LCA5: variants seen among roughly 807,000 people sequenced by gnomAD.
The protein encoded by LCA5 is lebercilin.
A neutral mutation model predicts 53.0 loss-of-function variants in LCA5; 37 were observed. The observed-to-expected ratio is 0.70, with a 90% CI of 0.54 to 0.92. The LOEUF is 0.92. Ranked by LOEUF, LCA5 falls within the 40% of genes least tolerant of loss-of-function variation. The pLI is 0.00. For synonymous variants in LCA5, 303 were observed against 282.9 expected, an observed-to-expected ratio of 1.07 and a Z score of -0.71; for missense variants, 806 against 790.5, an observed-to-expected ratio of 1.02 and a Z score of -0.23.
chr6:79,529,969 G>C (rs979849271), intron 1 of LCA5, among the ~76,000 whole-genome samples: 2 of 125,776 alleles, frequency 1.6e-5, no homozygotes. Flanking sequence ...GGTGGGGGGA[G>C]GGGGGAGGGA....
At chr6:79,494,607 A>T (rs1416897949) in intron 3 of LCA5, among the ~76,000 whole-genome samples, 1 of 152,180 alleles carries the variant, frequency 6.6e-6, no homozygotes, top group Non-Finnish European at 1.5e-5. Flanking sequence ...TGTGATAATC[A>T]CTGCCAACAT....
chr6:79,519,715 C>CAAAAAAAA (rs397887695), intron 1 of LCA5, among the ~76,000 whole-genome samples: 1 of 49,972 alleles, frequency 2.0e-5, no homozygotes, highest in Non-Finnish European at 4.4e-5. Context: ...GACTCCATCT[C>CAAAAAAAA]AAAAAAAAAA....
chr6:79,538,018 GTTTTTTT>G (rs869197362), upstream of LCA5, among the ~76,000 whole-genome samples: 360 of 44,116 alleles, frequency 8.2e-3, no homozygotes, highest in South Asian at 0.016. Context: ...TTGCACACAA[GTTTTTTT>G]TTTTTTTTTT....
intron 3 of LCA5, among the ~76,000 whole-genome samples, chr6:79,503,803 C>T (rs1035856129): frequency 1.3e-5 from 2 of 152,020 alleles, no homozygotes; most frequent in Admixed American, 1.3e-4. Flanking sequence ...TGTGTGCGCG[C>T]GTGCGCGTGC....
chr6:79,487,041 G>C lies in LCA5; in HGVS notation c.2057C>G (p.Ser686Cys), dbSNP rs778650730. The C allele has an allele frequency of 1.9e-5, 30 of 1,613,494 alleles. No individual in the cohort carries two copies. The highest frequency in any genetic ancestry group is 2.5e-5 in the Non-Finnish European group (30 of 1,179,784). ...TACTTCTTCAATTTCATCTTCTACAGAATCAGCTGCTTTTACTGCTGGTTT... is the reference window on the plus strand; with the variant it reads ...TACTTCTTCAATTTCATCTTCTACACAATCAGCTGCTTTTACTGCTGGTTT... ...DDKPAVKAADSVEDEIEEVAL... is the reference protein window; with the variant it reads ...DDKPAVKAADCVEDEIEEVAL... The change falls in exon 8 of 8, where the codon TCT becomes TGT. Residue 686 changes from serine to cysteine, a missense_variant. Coordinates refer to ENST00000369846, the MANE Select transcript of LCA5 (RefSeq NM_001122769.3).
chr6:79,509,971 A>G (rs1770367662), intron 3 of LCA5, among the ~76,000 whole-genome samples: 2 of 152,316 alleles, frequency 1.3e-5, no homozygotes, highest in South Asian at 4.1e-4. Context: ...AATTCCAGGA[A>G]GATGTTTGTA....
At chr6:79,532,176 A>G (rs979569341) in intron 1 of LCA5, among the ~76,000 whole-genome samples, 1 of 152,140 alleles carries the variant, frequency 6.6e-6, no homozygotes, top group Non-Finnish European at 1.5e-5. Context: ...TCTGTAAAAC[A>G]AGACACTTTA....
upstream of LCA5, among the ~76,000 whole-genome samples, chr6:79,538,457 G>A (rs542683062): frequency 5.3e-4 from 81 of 152,164 alleles, no homozygotes; most frequent in African/African-American, 1.9e-3. Flanking sequence ...ACAATATTGT[G>A]ATTAAATGTA....
chr6:79,498,590 C>T (rs1273834242), intron 3 of LCA5, among the ~76,000 whole-genome samples: 1 of 152,014 alleles, frequency 6.6e-6, no homozygotes, highest in Non-Finnish European at 1.5e-5. Flanking sequence ...CACTCAGAAG[C>T]CCTCACTTAA....
chr6:79,505,994 T>C (rs909450185), intron 3 of LCA5, among the ~76,000 whole-genome samples: 3 of 152,122 alleles, frequency 2.0e-5, no homozygotes, highest in Admixed American at 1.3e-4. Context: ...GTGGTTTACA[T>C]GGAAGCAATC....
At chr6:79,499,743 G>A (rs1019614514) in intron 3 of LCA5, among the ~76,000 whole-genome samples, 24 of 149,490 alleles carry the variant, frequency 1.6e-4, no homozygotes, top group East Asian at 5.9e-4. Context: ...TGTGCACAAT[G>A]TGCAGGTTAG....
chr6:79,521,505 A>C (rs1766623901), intron 1 of LCA5, among the ~76,000 whole-genome samples: 1 of 152,256 alleles, frequency 6.6e-6, no homozygotes, highest in African/African-American at 2.4e-5. Flanking sequence ...ACTGTGAAAT[A>C]AAACAAATGA....
At chr6:79,488,729 AACT>A (rs1378435744) in intron 7 of LCA5, 6 of 389,134 alleles carry the variant, frequency 1.5e-5, no homozygotes, top group Non-Finnish European at 2.3e-5. Flanking sequence ...TTAACTTTGA[AACT>A]ACTTCCAAAT....
intron 5 of LCA5, 72 bp from the exon 6 acceptor site, chr6:79,491,802 G>A: frequency 3.8e-5 from 44 of 1,158,938 alleles, no homozygotes; most frequent in Non-Finnish European, 4.9e-5. Context: ...CAGCTGGCAT[G>A]TATATATATA....
intron 3 of LCA5, among the ~76,000 whole-genome samples, chr6:79,495,542 G>C (rs928530423): frequency 6.6e-6 from 1 of 152,004 alleles, no homozygotes; most frequent in Non-Finnish European, 1.5e-5. Context: ...ACAAGGCCAG[G>C]AGATTAAGAC....
intron 3 of LCA5, among the ~76,000 whole-genome samples, chr6:79,508,989 AC>A (rs1340339894): frequency 5.9e-5 from 9 of 152,340 alleles, no homozygotes; most frequent in African/African-American, 1.9e-4. Context: ...TGAAAGATGT[AC>A]ATAATGGGTT....
chr6:79,512,352 G>A (rs1302098395), intron 3 of LCA5, among the ~76,000 whole-genome samples: 1 of 152,070 alleles, frequency 6.6e-6, no homozygotes, highest in Admixed American at 6.6e-5. Flanking sequence ...TCTGGCCACT[G>A]ATGTACGGTG....
intron 1 of LCA5, among the ~76,000 whole-genome samples, chr6:79,535,772 A>C (rs1582661654): frequency 1.3e-5 from 2 of 152,236 alleles, no homozygotes; most frequent in African/African-American, 4.8e-5. Flanking sequence ...GTGTAAGCCA[A>C]AGGAGAGGAA....
chr6:79,502,192 A>T (rs983159039), intron 3 of LCA5, among the ~76,000 whole-genome samples: 1 of 152,154 alleles, frequency 6.6e-6, no homozygotes. Context: ...CAATGAGAAA[A>T]GCTCTGGAAT....
Sources: allele counts gnomAD v4.1 joint callset (sites outside exome capture counted in the v4.1 genomes callset), GRCh38; gene constraint gnomAD v4.1.1; transcripts MANE v1.5; gene names NCBI Gene and HGNC (gene_info 2026-07-23, HGNC 2026-07-21).